The following IMMP2L variants were observed in gnomAD, a reference collection of about 807,000 sequenced individuals.
The protein encoded by IMMP2L is inner mitochondrial membrane peptidase subunit 2.
A neutral mutation model predicts 19.3 loss-of-function variants in IMMP2L; 18 were observed. That is an observed-to-expected ratio of 0.93 (90% CI 0.64 to 1.38). The LOEUF is 1.38. IMMP2L is among the 40% of genes most tolerant of loss of function. The pLI is 0.00. For synonymous variants in IMMP2L, 76 were observed against 73.0 expected, an observed-to-expected ratio of 1.04 and a Z score of -0.21; for missense variants, 233 against 218.2, an observed-to-expected ratio of 1.07 and a Z score of -0.43.
chr7:110,688,253 C>T (rs1004853934), intron 5 of IMMP2L, among the ~76,000 whole-genome samples: 1 of 151,998 alleles, frequency 6.6e-6, no homozygotes, highest in African/African-American at 2.4e-5. Flanking sequence ...TTGCTTTATA[C>T]CACTAAGTTT....
intron 5 of IMMP2L, among the ~76,000 whole-genome samples, chr7:110,858,357 GTC>G (rs1402772596): frequency 6.6e-6 from 1 of 152,132 alleles, no homozygotes; most frequent in East Asian, 1.9e-4. Flanking sequence ...CAGGGAGATG[GTC>G]TCTGTTTCCA....
At chr7:111,357,063 A>T (rs1828784201) in intron 3 of IMMP2L, among the ~76,000 whole-genome samples, 1 of 152,186 alleles carries the variant, frequency 6.6e-6, no homozygotes, top group Non-Finnish European at 1.5e-5. Flanking sequence ...ATTACTATCA[A>T]CTGGTACAGT....
chr7:111,509,891 C>T (rs909968506), intron 2 of IMMP2L, among the ~76,000 whole-genome samples: 22 of 152,124 alleles, frequency 1.4e-4, no homozygotes, highest in African/African-American at 5.1e-4. Flanking sequence ...CATATCAATG[C>T]TTCAAAGAAG....
chr7:110,669,897 G>A (rs1400500082), intron 5 of IMMP2L, among the ~76,000 whole-genome samples: 1 of 152,148 alleles, frequency 6.6e-6, no homozygotes, highest in Admixed American at 6.5e-5. Context: ...TGACAAATAA[G>A]AATATAGTTG....
intron 3 of IMMP2L, among the ~76,000 whole-genome samples, chr7:111,061,501 A>G (rs369957471): frequency 4.6e-5 from 7 of 152,216 alleles, no homozygotes; most frequent in African/African-American, 1.7e-4. Context: ...GGGGGACTTA[A>G]AGGGTGGCCA....
intron 3 of IMMP2L, among the ~76,000 whole-genome samples, chr7:111,467,437 G>A (rs1360560774): frequency 6.6e-6 from 1 of 151,980 alleles, no homozygotes; most frequent in East Asian, 1.9e-4. Context: ...GCAGTTTTTG[G>A]CTTCTTTTCT....
intron 3 of IMMP2L, among the ~76,000 whole-genome samples, chr7:111,156,566 T>C (rs944009037): frequency 6.6e-6 from 1 of 152,126 alleles, no homozygotes; most frequent in Non-Finnish European, 1.5e-5. Flanking sequence ...TAAGTCGACA[T>C]TGACACAATT....
At chr7:110,815,107 A>T (rs1405403150) in intron 5 of IMMP2L, among the ~76,000 whole-genome samples, 4 of 152,116 alleles carry the variant, frequency 2.6e-5, no homozygotes, top group Non-Finnish European at 4.4e-5. Flanking sequence ...TGGGTTTGTC[A>T]TAGATAGCTC....
At chr7:111,440,618 T>A (rs1344521486) in intron 3 of IMMP2L, among the ~76,000 whole-genome samples, 1 of 151,838 alleles carries the variant, frequency 6.6e-6, no homozygotes, top group Admixed American at 6.6e-5. Context: ...ATATTCAGCA[T>A]AATGCTTAAG....
rs911164965 is a variant in IMMP2L, at chr7:111,562,440, A to G, written c.-592T>C. ...CTCACAGCCCCCCACCCGCCGCCGG[A>G]CGCCGGGCGCCCGCCCTCCGCACCC... On this transcript the variant is annotated 5_prime_UTR_variant, in exon 1 of 6. Coordinates refer to ENST00000405709, the MANE Select transcript of IMMP2L (RefSeq NM_032549.4). 1 of 150,684 alleles carries G rather than the reference A, an allele frequency of 6.6e-6. No homozygotes were observed. Among genetic ancestry groups the G allele is most frequent in the Non-Finnish European group, 1.5e-5 (1 of 67,782 alleles). The allele number at this position is 150,684 out of a possible 1,614,324, so 9.3% of individuals were successfully genotyped here.
chr7:111,383,231 A>G lies in IMMP2L; in HGVS notation c.239+104007T>C, dbSNP rs370060421. On this transcript the variant is annotated intron_variant, in intron 3 of 5. Coordinates refer to ENST00000405709, the MANE Select transcript of IMMP2L (RefSeq NM_032549.4). ...TTAGTTCCTTCCCAAGGCAAGAGTCATAGTTATCATACTTTGCCACAGTTT... is the reference window on the plus strand; with the variant it reads ...TTAGTTCCTTCCCAAGGCAAGAGTCGTAGTTATCATACTTTGCCACAGTTT... Among the ~76,000 whole-genome samples, 22 of 152,242 alleles carry G rather than the reference A, an allele frequency of 1.4e-4. 2 individuals are homozygous for G. The East Asian group carries it at 2.1e-3, about 15-fold the overall frequency.
chr7:111,415,520 G>A (rs944073088), intron 3 of IMMP2L, among the ~76,000 whole-genome samples: 29 of 151,772 alleles, frequency 1.9e-4, no homozygotes, highest in Middle Eastern at 3.2e-3. Flanking sequence ...GTTACCTTCA[G>A]GTTGACAAAT....
chr7:110,690,484 G>C (rs985511437), intron 5 of IMMP2L, among the ~76,000 whole-genome samples: 2 of 152,016 alleles, frequency 1.3e-5, no homozygotes, highest in Admixed American at 6.6e-5. Flanking sequence ...AGAGATAAAG[G>C]GCATCCGAAT....
intron 3 of IMMP2L, among the ~76,000 whole-genome samples, chr7:111,413,403 AAT>A (rs1425520295): frequency 2.6e-5 from 4 of 152,114 alleles, no homozygotes; most frequent in African/African-American, 9.7e-5. Flanking sequence ...ACAAAAAAAA[AAT>A]AAAAGACAGA....
intron 2 of IMMP2L, among the ~76,000 whole-genome samples, chr7:111,500,772 A>G (rs1354373614): frequency 3.9e-5 from 6 of 152,172 alleles, no homozygotes; most frequent in Admixed American, 3.3e-4. Context: ...CCTGTCTGTT[A>G]GAAGGAAAAC....
chr7:111,057,922 T>C (rs1793662624), intron 3 of IMMP2L, among the ~76,000 whole-genome samples: 2 of 152,184 alleles, frequency 1.3e-5, no homozygotes. Flanking sequence ...TATATATACA[T>C]ACCTGCACAT....
At chr7:111,164,918 A>C (rs983028321) in intron 3 of IMMP2L, among the ~76,000 whole-genome samples, 1 of 152,072 alleles carries the variant, frequency 6.6e-6, no homozygotes, top group Non-Finnish European at 1.5e-5. Flanking sequence ...AAATACACAT[A>C]GCATAATATT....
intron 3 of IMMP2L, among the ~76,000 whole-genome samples, chr7:111,050,500 G>A (rs755580638): frequency 6.6e-6 from 1 of 152,132 alleles, no homozygotes; most frequent in South Asian, 2.1e-4. Flanking sequence ...TTCTATTGAC[G>A]CGTTCTTTCT....
chr7:111,447,658 G>A (rs911663729), intron 3 of IMMP2L, among the ~76,000 whole-genome samples: 5 of 151,448 alleles, frequency 3.3e-5, no homozygotes, highest in African/African-American at 7.3e-5. Context: ...ACTAAGGAAC[G>A]AAATCACCAG....
Sources: allele counts gnomAD v4.1 joint callset (sites outside exome capture counted in the v4.1 genomes callset), GRCh38; gene constraint gnomAD v4.1.1; transcripts MANE v1.5; gene names NCBI Gene and HGNC (gene_info 2026-07-23, HGNC 2026-07-21).